Variants in ROBO1 observed in about 807,000 individuals in gnomAD.
ROBO1 encodes roundabout guidance receptor 1, also known as roundabout homolog 1.
Under a neutral mutation model 195.9 loss-of-function variants are expected in ROBO1, and 149 were observed. That is an observed-to-expected ratio of 0.76 (90% confidence interval 0.67 to 0.87). The LOEUF is 0.87. ROBO1 is among the 40% of genes least tolerant of loss of function. The pLI is 0.00. For synonymous variants in ROBO1, 816 were observed against 733.2 expected, an observed-to-expected ratio of 1.11 and a Z score of -1.82; for missense variants, 1,933 against 2,068.3, an observed-to-expected ratio of 0.93 and a Z score of 1.27.
At chr3:78,816,901 G>A (rs574370279) in intron 4 of ROBO1, among the ~76,000 whole-genome samples, 1 of 151,808 alleles carries the variant, frequency 6.6e-6, no homozygotes, top group African/African-American at 2.4e-5. Flanking sequence ...TGTTGAAATG[G>A]CCACAAAGGA....
intron 1 of ROBO1, among the ~76,000 whole-genome samples, chr3:79,645,125 A>G (rs1945780536): frequency 6.6e-6 from 1 of 152,120 alleles, no homozygotes; most frequent in African/African-American, 2.4e-5. Context: ...ACTTCAAATG[A>G]ACAACCCAAT....
rs1341443922 is a variant in ROBO1, at chr3:79,575,293, TAACA to T, written c.88+14527_88+14530del. Among the ~76,000 whole-genome samples, 10 of 124,616 alleles carry T rather than the reference TAACA, an allele frequency of 8.0e-5. No individual in the cohort carries two copies. In the East Asian group the frequency reaches 1.3e-3, roughly 16 times the overall value. 81.8% of individuals were successfully genotyped at this position (124,616 alleles called of 152,430 possible). On this transcript the variant is annotated intron_variant, in intron 2 of 30. Coordinates refer to ENST00000464233, the MANE Select transcript of ROBO1 (RefSeq NM_002941.4). ...TAACAAATATATATATAAATATATA[TAACA>T]AATATATATAAATATATATATAACA...
chr3:79,535,877 A>G (rs911618937), intron 2 of ROBO1, among the ~76,000 whole-genome samples: 1 of 152,064 alleles, frequency 6.6e-6, no homozygotes, highest in African/African-American at 2.4e-5. Context: ...GATTTTCTTC[A>G]AGAGGTTTTT....
chr3:79,112,248 C>T lies in ROBO1; in HGVS notation c.172+13208G>A, dbSNP rs542657646. 2.0e-5 allele frequency among the ~76,000 whole-genome samples: 3 copies of T among 152,248 alleles called. No individual in the cohort carries two copies. In the South Asian group the frequency reaches 6.2e-4, roughly 32 times the overall value. On this transcript the variant is annotated intron_variant, in intron 3 of 30. Coordinates refer to ENST00000464233, the MANE Select transcript of ROBO1 (RefSeq NM_002941.4). ...TGATTTTTCATATGTGACATACTTACTCCTCTTCCAGCTTTGTCTCCTGAA... is the reference window on the plus strand; with the variant it reads ...TGATTTTTCATATGTGACATACTTATTCCTCTTCCAGCTTTGTCTCCTGAA...
chr3:79,741,222 C>T (rs1703634541), intron 1 of ROBO1, among the ~76,000 whole-genome samples: 1 of 152,178 alleles, frequency 6.6e-6, no homozygotes, highest in Non-Finnish European at 1.5e-5. Flanking sequence ...AGTCAATTCC[C>T]TCAGCCAACC....
intron 2 of ROBO1, among the ~76,000 whole-genome samples, chr3:79,324,669 C>A (rs1422953609): frequency 6.6e-6 from 1 of 152,070 alleles, no homozygotes; most frequent in Non-Finnish European, 1.5e-5. Context: ...GAGGTGGCCT[C>A]ATAGCCAGTG....
chr3:79,621,996 A>G (rs562513562), intron 1 of ROBO1, among the ~76,000 whole-genome samples: 76 of 152,174 alleles, frequency 5.0e-4, no homozygotes, highest in Non-Finnish European at 9.3e-4. Context: ...ATTCTTCACC[A>G]GCAACAAAGG....
At chr3:78,980,552 C>T in intron 3 of ROBO1, among the ~76,000 whole-genome samples, 1 of 152,190 alleles carries the variant, frequency 6.6e-6, no homozygotes, top group East Asian at 1.9e-4. Context: ...ATCTTCATCA[C>T]AGGTTTCCAC....
intron 2 of ROBO1, among the ~76,000 whole-genome samples, chr3:79,335,322 T>G (rs2034620597): frequency 6.6e-6 from 1 of 152,228 alleles, no homozygotes; most frequent in Non-Finnish European, 1.5e-5. Context: ...CTCATATTGA[T>G]AAATAAAGTA....
chr3:79,033,647 A>T (rs1312630417), intron 3 of ROBO1, among the ~76,000 whole-genome samples: 2 of 152,148 alleles, frequency 1.3e-5, no homozygotes, highest in African/African-American at 4.8e-5. Flanking sequence ...GAAGATACAG[A>T]CTTTATCATT....
rs2084772946 is a variant in ROBO1 at position 78,812,505 on chromosome 3, CAAT to C, written c.500-65608_500-65606del. On this transcript the variant is annotated intron_variant, in intron 4 of 30. Coordinates refer to ENST00000464233, the MANE Select transcript of ROBO1 (RefSeq NM_002941.4). ...GATCTTCACTCAAATGTCACATACT[CAAT>C]GATGATTATCCTGATCCCCTTATTT... Among the ~76,000 whole-genome samples the C allele has an allele frequency of 2.6e-5, 4 of 152,084 alleles. No homozygotes were observed. In the South Asian group the frequency reaches 6.2e-4, roughly 24 times the overall value.
At chr3:79,370,834 C>A (rs929179865) in intron 2 of ROBO1, among the ~76,000 whole-genome samples, 1 of 152,036 alleles carries the variant, frequency 6.6e-6, no homozygotes, top group African/African-American at 2.4e-5. Context: ...TCTCTCTCCC[C>A]TTGCCCCCCA....
At chr3:79,376,535 G>A (rs894310123) in intron 2 of ROBO1, among the ~76,000 whole-genome samples, 2 of 152,136 alleles carry the variant, frequency 1.3e-5, no homozygotes, top group African/African-American at 4.8e-5. Context: ...ATGGGGGCAG[G>A]TCTTCCCTGT....
At chr3:78,935,137 A>T (rs1204175432) in intron 4 of ROBO1, among the ~76,000 whole-genome samples, 2 of 152,098 alleles carry the variant, frequency 1.3e-5, no homozygotes, top group Non-Finnish European at 2.9e-5. Context: ...AGTTCAAAGC[A>T]ATTACTATTA....
intron 2 of ROBO1, among the ~76,000 whole-genome samples, chr3:79,347,402 T>C (rs542032841): frequency 6.6e-6 from 1 of 152,330 alleles, no homozygotes; most frequent in South Asian, 2.1e-4. Flanking sequence ...ATATTTCTGA[T>C]GACAGTCAAG....
intron 3 of ROBO1, among the ~76,000 whole-genome samples, chr3:79,087,930 T>C (rs2079403919): frequency 6.6e-6 from 1 of 152,116 alleles, no homozygotes; most frequent in Non-Finnish European, 1.5e-5. Context: ...GATTTCCTGG[T>C]ACCAAGGGTA....
rs73851206 is a variant in ROBO1 at position 79,517,154 on chromosome 3, C to T, written c.88+72670G>A. 6.4e-3 allele frequency among the ~76,000 whole-genome samples: 976 copies of T among 152,290 alleles called. 10 individuals are homozygous for T. The highest frequency in any genetic ancestry group is 0.023 in the African/African-American group (939 of 41,566). Reference sequence around the variant, plus strand: ...AGAAAATATTTTCCTAACCTCCTTTCGATTACTGGTTATCACTCGTTCTCA... The same window carrying T: ...AGAAAATATTTTCCTAACCTCCTTTTGATTACTGGTTATCACTCGTTCTCA... On this transcript the variant is annotated intron_variant, in intron 2 of 30. Coordinates refer to ENST00000464233, the MANE Select transcript of ROBO1 (RefSeq NM_002941.4).
At chr3:79,528,586 A>G (rs183272086) in intron 2 of ROBO1, among the ~76,000 whole-genome samples, 1 of 152,326 alleles carries the variant, frequency 6.6e-6, no homozygotes, top group East Asian at 1.9e-4. Context: ...TTTGAGACTC[A>G]AAGTTTAGTG....
chr3:78,839,514 T>A (rs2033021031), intron 4 of ROBO1, among the ~76,000 whole-genome samples: 1 of 151,972 alleles, frequency 6.6e-6, no homozygotes, highest in African/African-American at 2.4e-5. Flanking sequence ...AGCATCATAG[T>A]AAATTAATTA....
Sources: gnomAD v4.1 joint callset for allele counts (sites outside exome capture counted in the v4.1 genomes callset) on GRCh38, gnomAD v4.1.1 for gene constraint, MANE v1.5 for transcripts, NCBI Gene and HGNC (gene_info 2026-07-23, HGNC 2026-07-21) for gene names.